Variants in HDAC4 observed in about 807,000 individuals in gnomAD.
The protein encoded by HDAC4 is histone deacetylase A.
Under a neutral mutation model 135.1 loss-of-function variants are expected in HDAC4, and 16 were observed. That is an observed-to-expected ratio of 0.12 (90% CI 0.08 to 0.18). HDAC4 has a LOEUF of 0.18. HDAC4 is among the 10% of genes least tolerant of loss of function. The probability of loss-of-function intolerance (pLI) is 1.00; values close to 1 mark genes in which losing one functional copy is unlikely to be tolerated. For missense variants in HDAC4, 1,143 were observed against 1,511.8 expected (o/e 0.76, Z 4.05); for synonymous variants, 685 against 653.4 (o/e 1.05, Z -0.74).
chr2:239,178,556 T>C (rs2043923719), intron 4 of HDAC4, among the ~76,000 whole-genome samples: 1 of 152,136 alleles, frequency 6.6e-6, no homozygotes, highest in African/African-American at 2.4e-5. Flanking sequence ...ATACGTTTTC[T>C]TCTTTTTTGA....
intron 3 of HDAC4, among the ~76,000 whole-genome samples, chr2:239,190,468 C>A (rs1045981578): frequency 2.0e-5 from 3 of 152,230 alleles, no homozygotes; most frequent in Non-Finnish European, 4.4e-5. Flanking sequence ...TGTGGCTGTT[C>A]AAGGAAAAGC....
intron 19 of HDAC4, among the ~76,000 whole-genome samples, chr2:239,086,825 G>C (rs1219311635): frequency 2.0e-5 from 3 of 152,234 alleles, no homozygotes; most frequent in African/African-American, 7.2e-5. Flanking sequence ...GGCAAGATCA[G>C]GCACGCCTTC....
At chr2:239,293,505 G>C (rs1252995819) in intron 2 of HDAC4, among the ~76,000 whole-genome samples, 1 of 152,192 alleles carries the variant, frequency 6.6e-6, no homozygotes, top group African/African-American at 2.4e-5. Flanking sequence ...AGCAGCAAAG[G>C]AGCGTGGGAG....
Position 239,261,733 on chromosome 2 carries a change from C to T in HDAC4, c.23-25069G>A, listed in dbSNP as rs114484914. Among the ~76,000 whole-genome samples, 1,513 of 152,222 alleles carry T rather than the reference C, an allele frequency of 9.9e-3. 32 individuals are homozygous for T. The highest frequency in any genetic ancestry group is 0.035 in the African/African-American group (1,443 of 41,528). On this transcript the variant is annotated intron_variant, in intron 2 of 26. Transcript: ENST00000543185. ...CTGGTGAGATGGTGGCCCAGGCCCACGGGGAGGAAGGGGCAGCAGTGGGCT... is the reference window on the plus strand; with the variant it reads ...CTGGTGAGATGGTGGCCCAGGCCCATGGGGAGGAAGGGGCAGCAGTGGGCT...
At chr2:239,194,109 TTCA>T (rs2045200954) in intron 3 of HDAC4, among the ~76,000 whole-genome samples, 1 of 152,130 alleles carries the variant, frequency 6.6e-6, no homozygotes, top group African/African-American at 2.4e-5. Flanking sequence ...CCGGCCAGCA[TTCA>T]TCATTGAGCG....
Position 239,107,937 on chromosome 2 carries a change from G to T in HDAC4, c.2112+113C>A, listed in dbSNP as rs1046809242. 4.4e-6 allele frequency: 6 copies of T among 1,359,634 alleles called. No individual in the cohort carries two copies. The East Asian group carries it at 1.4e-4, about 32-fold the overall frequency. The allele number at this position is 1,359,634 out of a possible 1,614,324, so 84.2% of individuals were successfully genotyped here. A position where few individuals can be genotyped will look rare whatever the true frequency, so the allele number is the denominator to read the frequency against. The stretch of plus-strand genomic sequence containing the variant: ...TGCTTGTGGCCCTTCCCCCGGGGCT[G>T]TAAGCCCAAAGAACCACCTGCAAAA... On this transcript the variant is annotated intron_variant, in intron 15 of 26. Transcript: ENST00000543185.
intron 16 of HDAC4, among the ~76,000 whole-genome samples, chr2:239,099,980 C>T (rs1258043320): frequency 2.6e-5 from 4 of 152,364 alleles, no homozygotes; most frequent in East Asian, 1.9e-4. Flanking sequence ...CCTACTCACC[C>T]GGCAGTTTGG....
chr2:239,171,217 G>C (rs1266306309), intron 5 of HDAC4, among the ~76,000 whole-genome samples: 1 of 149,606 alleles, frequency 6.7e-6, no homozygotes, highest in African/African-American at 2.5e-5. Flanking sequence ...GGAAAGCCTT[G>C]CCACAGGGCC....
chr2:239,372,848 G>A (rs1427073043), intron 1 of HDAC4, among the ~76,000 whole-genome samples: 2 of 152,004 alleles, frequency 1.3e-5, no homozygotes, highest in Non-Finnish European at 2.9e-5. Context: ...GTGCACATAT[G>A]TACACATGCA....
chr2:239,295,185 T>C (rs1402940938), intron 2 of HDAC4, among the ~76,000 whole-genome samples: 1 of 149,560 alleles, frequency 6.7e-6, no homozygotes, highest in Non-Finnish European at 1.5e-5. Context: ...CGGGCGCCTG[T>C]AGTCCCAGCT....
intron 3 of HDAC4, among the ~76,000 whole-genome samples, chr2:239,235,778 G>T (rs527666116): frequency 6.6e-6 from 1 of 152,202 alleles, no homozygotes; most frequent in Non-Finnish European, 1.5e-5. Context: ...GGTGGCTCAC[G>T]CCTGTAATTC....
Position 239,295,777 on chromosome 2 carries a change from CT to C in HDAC4, c.22+56900del, listed in dbSNP as rs765731133. Among the ~76,000 whole-genome samples, 7 of 152,326 alleles carry C rather than the reference CT, an allele frequency of 4.6e-5. No individual in the cohort carries two copies. The East Asian group carries it at 1.2e-3, about 25-fold the overall frequency. ...CCACCAACAAAATCACTACCAATGACTTTTGCACAAACAGACCAAAGAAGTG... is the reference window on the plus strand; with the variant it reads ...CCACCAACAAAATCACTACCAATGACTTTGCACAAACAGACCAAAGAAGTG... On this transcript the variant is annotated intron_variant, in intron 2 of 26. Coordinates refer to ENST00000543185, the MANE Select transcript of HDAC4 (RefSeq NM_001378414.1).
At chr2:239,248,262 C>T (rs2048582279) in intron 2 of HDAC4, among the ~76,000 whole-genome samples, 1 of 151,876 alleles carries the variant, frequency 6.6e-6, no homozygotes, top group Admixed American at 6.5e-5. Context: ...CTCACTGCAA[C>T]CTCCGCCTCC....
intron 24 of HDAC4, among the ~76,000 whole-genome samples, chr2:239,056,892 A>C (rs1300240279): frequency 6.6e-6 from 1 of 152,238 alleles, no homozygotes; most frequent in Non-Finnish European, 1.5e-5. Flanking sequence ...GCACAGAACC[A>C]GGAGAAGAAA....
At chr2:239,294,438 A>C (rs1366551780) in intron 2 of HDAC4, among the ~76,000 whole-genome samples, 3 of 152,160 alleles carry the variant, frequency 2.0e-5, no homozygotes, top group African/African-American at 7.2e-5. Flanking sequence ...CAGAGATGAA[A>C]AAAAAGAGAA....
At chr2:239,106,751 G>T (rs1306395532) in intron 15 of HDAC4, among the ~76,000 whole-genome samples, 2 of 152,158 alleles carry the variant, frequency 1.3e-5, no homozygotes, top group Non-Finnish European at 2.9e-5. Context: ...GAGGGCAGGC[G>T]AACCTGCAGG....
chr2:239,348,727 G>A (rs1692901689), intron 2 of HDAC4, among the ~76,000 whole-genome samples: 1 of 152,222 alleles, frequency 6.6e-6, no homozygotes, highest in African/African-American at 2.4e-5. Flanking sequence ...GCCGGGCAAG[G>A]GGCGTAAGGC....
chr2:239,199,820 G>A (rs1489045263), intron 3 of HDAC4, among the ~76,000 whole-genome samples: 6 of 151,148 alleles, frequency 4.0e-5, no homozygotes, highest in East Asian at 1.9e-4. Flanking sequence ...TGCAAGCTCC[G>A]CCTCCCGGGC....
chr2:239,252,603 C>T (rs368393204), intron 2 of HDAC4, among the ~76,000 whole-genome samples: 3 of 152,140 alleles, frequency 2.0e-5, no homozygotes, highest in African/African-American at 7.2e-5. Flanking sequence ...TCATGTCCCA[C>T]GGAAGTTCCT....
Sources: gnomAD v4.1 joint callset for allele counts (sites outside exome capture counted in the v4.1 genomes callset) on GRCh38, gnomAD v4.1.1 for gene constraint, MANE v1.5 for transcripts, NCBI Gene and HGNC (gene_info 2026-07-23, HGNC 2026-07-21) for gene names.